The following XPO7 variants were observed in gnomAD, a reference collection of about 807,000 sequenced individuals.
XPO7 encodes the protein exportin 7.
In XPO7, 21 loss-of-function variants were observed where a neutral mutation model predicts 144.3. The observed-to-expected ratio is 0.15, with a 90% confidence interval of 0.10 to 0.21. The LOEUF is 0.21. XPO7 is among the 10% of genes least tolerant of loss of function. The pLI, the probability that XPO7 is intolerant of heterozygous loss-of-function variation, is 1.00. For synonymous variants in XPO7, 580 were observed against 499.6 expected (o/e 1.16, Z -2.15); for missense variants, 808 against 1,325.8 (o/e 0.61, Z 6.06).
At chr8:21,977,864 C>G (rs745940593) in intron 8 of XPO7, 21 bp downstream of exon 8, 1 of 1,604,772 alleles carries the variant, frequency 6.2e-7, no homozygotes, top group Non-Finnish European at 8.5e-7. Context: ...ACTACCGTTT[C>G]TTAAAGCAAA....
At chr8:21,987,373 G>T in intron 14 of XPO7, 97 bp downstream of exon 14, 1 of 1,523,178 alleles carries the variant, frequency 6.6e-7, no homozygotes, top group Non-Finnish European at 9.0e-7. Flanking sequence ...ATAACCTCCA[G>T]ATTTCACGTA....
chr8:21,994,590 G>A, intron 20 of XPO7, 139 bp downstream of exon 20: 2 of 726,466 alleles, frequency 2.8e-6, no homozygotes. Flanking sequence ...AGGCCTGCAT[G>A]TGTCCTGGAA....
At chr8:21,987,965 G>T (rs1286002615) in intron 15 of XPO7, 108 bp downstream of exon 15, 5 of 1,192,478 alleles carry the variant, frequency 4.2e-6, no homozygotes, top group Non-Finnish European at 4.7e-6. Context: ...AGCATTGATC[G>T]TTTGCGTCAG....
intron 1 of XPO7, among the ~76,000 whole-genome samples, chr8:21,946,952 C>G (rs1281343194): frequency 6.6e-6 from 1 of 152,122 alleles, no homozygotes; most frequent in Non-Finnish European, 1.5e-5. Flanking sequence ...AATTATCTTT[C>G]AAGAATGAGG....
intron 1 of XPO7, among the ~76,000 whole-genome samples, chr8:21,924,069 C>T (rs1379137266): frequency 1.3e-5 from 2 of 152,166 alleles, no homozygotes; most frequent in African/African-American, 4.8e-5. Context: ...TGCAGTCAAT[C>T]TCAGGGCTTG....
At chr8:21,990,665 C>T (rs1360966661) in intron 17 of XPO7, 146 bp from the exon 18 acceptor site, 3 of 839,198 alleles carry the variant, frequency 3.6e-6, no homozygotes, top group East Asian at 5.1e-5. Flanking sequence ...GGTAGCCTGC[C>T]TTCAAAAAAA....
chr8:21,954,378 G>A (rs992379465), intron 1 of XPO7, among the ~76,000 whole-genome samples: 1 of 152,218 alleles, frequency 6.6e-6, no homozygotes, highest in African/African-American at 2.4e-5. Context: ...GCTTACACCT[G>A]TAATCCCAGC....
At chr8:21,991,174 G>T (rs913901502) in intron 18 of XPO7, among the ~76,000 whole-genome samples, 1 of 152,102 alleles carries the variant, frequency 6.6e-6, no homozygotes, top group South Asian at 2.1e-4. Flanking sequence ...ACATTCTTCG[G>T]GTGTTAAATA....
intron 15 of XPO7, 48 bp from the exon 16 acceptor site, chr8:21,988,955 A>T (rs188983662): frequency 2.3e-4 from 362 of 1,574,438 alleles, no homozygotes; most frequent in South Asian, 2.5e-4. Flanking sequence ...CAAGGAAACC[A>T]GCAAATCAAA....
chr8:21,962,872 C>G (rs757991115), intron 1 of XPO7, among the ~76,000 whole-genome samples: 3 of 152,026 alleles, frequency 2.0e-5, no homozygotes, highest in Non-Finnish European at 4.4e-5. Context: ...TATAAGAATG[C>G]CTTATTAAAT....
intron 2 of XPO7, 119 bp downstream of exon 2, chr8:21,967,122 CT>C: frequency 7.5e-7 from 1 of 1,339,276 alleles, no homozygotes; most frequent in South Asian, 1.7e-5. Context: ...GTGTCCCTGA[CT>C]TATTTTCACT....
intron 1 of XPO7, among the ~76,000 whole-genome samples, chr8:21,942,673 A>T (rs1203603123): frequency 6.6e-6 from 1 of 152,226 alleles, no homozygotes; most frequent in African/African-American, 2.4e-5. Flanking sequence ...AACAAGTGAT[A>T]GTTTTGTAAA....
chr8:21,972,498 G>T (rs1310743192), intron 5 of XPO7, among the ~76,000 whole-genome samples: 5 of 152,102 alleles, frequency 3.3e-5, no homozygotes, highest in African/African-American at 1.2e-4. Context: ...AAATACTACT[G>T]CCTTGCCCAT....
chr8:21,921,152 GATA>G (rs749144404), intron 1 of XPO7, among the ~76,000 whole-genome samples: 5 of 152,076 alleles, frequency 3.3e-5, no homozygotes, highest in South Asian at 2.1e-4. Flanking sequence ...TGATAATAAT[GATA>G]ATAATAATAG....
intron 1 of XPO7, among the ~76,000 whole-genome samples, chr8:21,939,924 A>T (rs1810939594): frequency 6.6e-6 from 1 of 152,258 alleles, no homozygotes; most frequent in Admixed American, 6.5e-5. Context: ...TGTTAAGAAC[A>T]TTATATTTTG....
rs532388876 is a variant in XPO7 at position 21,949,209 on chromosome 8, T to C, written c.19-17648T>C. The stretch of plus-strand genomic sequence containing the variant: ...AATTAACATTATACATAAAATTGTT[T>C]ATTCTCACCCTGTGAAGTTTAATTT... On this transcript the variant is annotated intron_variant, in intron 1 of 27. Transcript: ENST00000252512. Among the ~76,000 whole-genome samples the C allele has an allele frequency of 2.6e-5, 4 of 152,376 alleles. No individual in the cohort carries two copies. In the South Asian group the frequency reaches 8.3e-4, roughly 32 times the overall value.
At chr8:21,931,845 TA>T (rs1402161125) in intron 1 of XPO7, among the ~76,000 whole-genome samples, 1 of 152,194 alleles carries the variant, frequency 6.6e-6, no homozygotes, top group African/African-American at 2.4e-5. Context: ...GCTTCTTTTT[TA>T]AAATCTTCTA....
chr8:21,922,574 C>G (rs1408816307), intron 1 of XPO7, among the ~76,000 whole-genome samples: 2 of 151,960 alleles, frequency 1.3e-5, no homozygotes, highest in Non-Finnish European at 2.9e-5. Context: ...ATATCTAAAG[C>G]TGGTAAGTTA....
chr8:21,986,990 T>G lies in XPO7; in HGVS notation c.1578-151T>G, dbSNP rs866832062. The G allele has an allele frequency of 2.1e-5, 23 of 1,110,834 alleles. No individual in the cohort carries two copies. In the Middle Eastern group the frequency reaches 1.2e-3, roughly 60 times the overall value. The allele number at this position is 1,110,834 out of a possible 1,614,324, so 68.8% of individuals were successfully genotyped here. On this transcript the variant is annotated intron_variant, in intron 13 of 27. Coordinates refer to ENST00000252512, the MANE Select transcript of XPO7 (RefSeq NM_015024.5). ...AAAAGATTGAAAACTCCTGGTCTAG[T>G]CCTGCCTCCCTCATTTATGTAGATG...
Sources: allele counts gnomAD v4.1 joint callset (sites outside exome capture counted in the v4.1 genomes callset), GRCh38; gene constraint gnomAD v4.1.1; transcripts MANE v1.5; gene names NCBI Gene and HGNC (gene_info 2026-07-23, HGNC 2026-07-21).